The following ARAP2 variants were observed in gnomAD, a reference collection of about 807,000 sequenced individuals.
ARAP2 encodes ArfGAP with RhoGAP domain, ankyrin repeat and PH domain 2.
Under a neutral mutation model 194.5 loss-of-function variants are expected in ARAP2, and 148 were observed. That is an observed-to-expected ratio of 0.76 (90% CI 0.67 to 0.87). The LOEUF (loss-of-function observed/expected upper bound fraction) is 0.87, where lower values mean the gene tolerates loss of function less well. ARAP2 is among the 40% of genes least tolerant of loss of function. The pLI is 0.00. For missense variants in ARAP2, 2,128 were observed against 1,989.7 expected (o/e 1.07, Z -1.32); for synonymous variants, 695 against 683.5 (o/e 1.02, Z -0.26).
intron 31 of ARAP2, among the ~76,000 whole-genome samples, chr4:36,078,185 T>A (rs889960757): frequency 6.6e-6 from 1 of 152,198 alleles, no homozygotes; most frequent in Non-Finnish European, 1.5e-5. Flanking sequence ...CTTCTTTTCA[T>A]GGAGTTTACA....
intron 5 of ARAP2, among the ~76,000 whole-genome samples, chr4:36,034,373 G>A (rs1181329726): frequency 6.6e-6 from 1 of 152,070 alleles, no homozygotes; most frequent in Non-Finnish European, 1.5e-5. Flanking sequence ...TTGGTTACAA[G>A]TATTCTTAGG....
At chr4:36,069,866 C>T (rs375272631) in intron 32 of ARAP2, among the ~76,000 whole-genome samples, 4 of 152,068 alleles carry the variant, frequency 2.6e-5, no homozygotes, top group African/African-American at 9.6e-5. Flanking sequence ...TAGTACCATC[C>T]CCTCTGTGCT....
chr4:36,099,623 TA>T (rs1283148767), intron 27 of ARAP2, among the ~76,000 whole-genome samples: 5 of 152,108 alleles, frequency 3.3e-5, no homozygotes, highest in Non-Finnish European at 5.9e-5. Context: ...ATTTCCTGTT[TA>T]AAATAATGTA....
chr4:36,013,580 A>T (rs1020055832), intron 8 of ARAP2, among the ~76,000 whole-genome samples: 1 of 152,214 alleles, frequency 6.6e-6, no homozygotes, highest in African/African-American at 2.4e-5. Context: ...ATATGGATTT[A>T]GATCAAGATA....
chr4:36,160,376 A>G, intron 13 of ARAP2, 83 bp downstream of exon 13: 1 of 1,321,818 alleles, frequency 7.6e-7, no homozygotes, highest in East Asian at 3.1e-5. Flanking sequence ...ATAGTATAAA[A>G]TTTTTTACTT....
intron 19 of ARAP2, among the ~76,000 whole-genome samples, chr4:36,142,194 C>T (rs1405969289): frequency 1.3e-5 from 2 of 151,684 alleles, no homozygotes; most frequent in African/African-American, 4.8e-5. Flanking sequence ...ATCCCACTAC[C>T]ACATGGAGAA....
downstream of ARAP2, among the ~76,000 whole-genome samples, chr4:36,062,069 G>A (rs534959276): frequency 2.0e-4 from 30 of 152,218 alleles, no homozygotes; most frequent in African/African-American, 6.7e-4. Flanking sequence ...TGGATAGTTT[G>A]CAAATATTTT....
At chr4:36,093,160 C>T (rs192802029) in intron 27 of ARAP2, among the ~76,000 whole-genome samples, 43 of 152,030 alleles carry the variant, frequency 2.8e-4, no homozygotes, top group African/African-American at 8.9e-4. Flanking sequence ...ATGATGAGAA[C>T]ACGTGGACAC....
intron 19 of ARAP2, among the ~76,000 whole-genome samples, chr4:36,141,682 T>A (rs1477480579): frequency 6.6e-6 from 1 of 151,710 alleles, no homozygotes; most frequent in Non-Finnish European, 1.5e-5. Context: ...AGGAAAAATA[T>A]GTGAAATTAA....
At chr4:36,156,307 G>A (rs1392616897) in intron 15 of ARAP2, among the ~76,000 whole-genome samples, 2 of 129,478 alleles carry the variant, frequency 1.5e-5, no homozygotes, top group Non-Finnish European at 3.3e-5. Context: ...AAGGAAAGAA[G>A]GAAGGAAGGA....
intron 7 of ARAP2, among the ~76,000 whole-genome samples, chr4:36,189,568 T>C (rs1741397082): frequency 6.6e-6 from 1 of 152,170 alleles, no homozygotes; most frequent in Non-Finnish European, 1.5e-5. Context: ...TCCTTCTCCC[T>C]ACCCTTCACA....
At chr4:36,184,040 T>A (rs1159845396) in intron 8 of ARAP2, among the ~76,000 whole-genome samples, 1 of 152,206 alleles carries the variant, frequency 6.6e-6, no homozygotes, top group African/African-American at 2.4e-5. Flanking sequence ...AGACTTGAAT[T>A]TAGCTTCAAG....
rs36207295 is a variant in ARAP2, at chr4:36,161,146, AACACAC to A, written c.2259+313_2259+318del. On this transcript the variant is annotated intron_variant, in intron 12 of 32. Coordinates refer to ENST00000303965, the MANE Select transcript of ARAP2 (RefSeq NM_015230.4). Reference sequence around the variant, plus strand: ...GTTGGGTTTAAAACACACACACACAAACACACACACACACACACACACACACACACA... The same window carrying A: ...GTTGGGTTTAAAACACACACACACAAACACACACACACACACACACACACA... Among the ~76,000 whole-genome samples the A allele has an allele frequency of 3.9e-3, 573 of 147,976 alleles. 2 individuals carry two copies. Among genetic ancestry groups the A allele is most frequent in the African/African-American group, 8.3e-3 (336 of 40,458 alleles).
chr4:36,049,104 A>G (rs1722266508), intron 3 of ARAP2, among the ~76,000 whole-genome samples: 1 of 151,998 alleles, frequency 6.6e-6, no homozygotes, highest in Non-Finnish European at 1.5e-5. Context: ...TGGCCTTTGT[A>G]GTTCCACATG....
At chr4:36,236,281 A>G (rs532944743) in intron 1 of ARAP2, among the ~76,000 whole-genome samples, 9 of 152,146 alleles carry the variant, frequency 5.9e-5, no homozygotes, top group Admixed American at 2.6e-4. Context: ...CCTCCCCATT[A>G]CCCATTACCA....
rs1375535584 is a variant in ARAP2 at position 36,028,384 on chromosome 4, A to T, written n.608-9098T>A. 3.3e-5 allele frequency among the ~76,000 whole-genome samples: 5 copies of T among 152,156 alleles called. No individual in the cohort carries two copies. The East Asian group carries it at 9.6e-4, about 29-fold the overall frequency. ...TTAATTTCTTTATGGAAATAGCTTG[A>T]TTTAAAAATTCTATCTCTCTTCTAG... is the stretch of plus-strand genomic sequence containing the variant. On this transcript the variant is annotated intron_variant and non_coding_transcript_variant, in intron 5 of 12. Coordinates refer to the ARAP2 transcript ENST00000503225.
At chr4:36,202,847 G>A (rs1247957704) in intron 6 of ARAP2, among the ~76,000 whole-genome samples, 1 of 152,088 alleles carries the variant, frequency 6.6e-6, no homozygotes, top group South Asian at 2.1e-4. Flanking sequence ...GAGAAGTCGA[G>A]GACAGTAACA....
chr4:36,180,458 G>A (rs1490331934), intron 8 of ARAP2, among the ~76,000 whole-genome samples: 1 of 152,172 alleles, frequency 6.6e-6, no homozygotes, highest in Non-Finnish European at 1.5e-5. Context: ...AACAGATCCA[G>A]ATTGTACTAC....
Position 36,164,954 on chromosome 4 carries a change from T to C in ARAP2, c.2133A>G (p.Ala711=), listed in dbSNP as rs1734932708. The C allele has an allele frequency of 6.2e-7, 1 of 1,614,002 alleles. No individual in the cohort carries two copies. Among genetic ancestry groups the C allele is most frequent in the Non-Finnish European group, 8.5e-7 (1 of 1,179,950 alleles). ...AGATGACAACACAGAGATTGATGGA[T>C]GCCCAGTCAGGATCTGGGGCTTTAC... The part of the protein sequence containing the change: ...ADCKAPDPDW[A]SINLCVVICK... The change falls in exon 11 of 33, where the codon GCA becomes GCG. Residue 711 remains alanine, a synonymous_variant. Coordinates refer to ENST00000303965, the MANE Select transcript of ARAP2 (RefSeq NM_015230.4).
Sources: allele counts gnomAD v4.1 joint callset (sites outside exome capture counted in the v4.1 genomes callset), GRCh38; gene constraint gnomAD v4.1.1; transcripts MANE v1.5; gene names NCBI Gene and HGNC (gene_info 2026-07-23, HGNC 2026-07-21).